Variants in NT5E observed in about 807,000 individuals in gnomAD.
NT5E encodes 5'-nucleotidase ecto, also known as 5'-nucleotidase.
In NT5E, 53 loss-of-function variants were observed where a neutral mutation model predicts 55.1. That is an observed-to-expected ratio of 0.96 (90% CI 0.77 to 1.21). The LOEUF is 1.21. Ranked by LOEUF, NT5E falls within the 50% of genes most tolerant of loss-of-function variation. NT5E has a pLI of 0.00. For missense variants in NT5E, 683 were observed against 724.3 expected, an observed-to-expected ratio of 0.94 and a Z score of 0.65; for synonymous variants, 270 against 278.4, an observed-to-expected ratio of 0.97 and a Z score of 0.30.
In NT5E at chr6:85,485,215, C is replaced by A. The variant is rs768994108; in HGVS notation, c.752-20C>A. On this transcript the variant is annotated intron_variant, in intron 3 of 8. Coordinates refer to ENST00000257770, the MANE Select transcript of NT5E (RefSeq NM_002526.4). ...TATGTACAAGGGCTGACTTGATCAGCTGTGGCTCTTTTATTTCAGGCAATC... is the reference window on the plus strand; with the variant it reads ...TATGTACAAGGGCTGACTTGATCAGATGTGGCTCTTTTATTTCAGGCAATC... 1.2e-5 allele frequency: 19 copies of A among 1,613,372 alleles called. No individual in the cohort carries two copies. The highest frequency in any genetic ancestry group is 1.6e-5 in the Non-Finnish European group (19 of 1,179,676).
At chr6:85,482,861 G>A (rs148020694) in intron 3 of NT5E, among the ~76,000 whole-genome samples, 88 of 152,328 alleles carry the variant, frequency 5.8e-4, no homozygotes, top group Non-Finnish European at 7.9e-4. Flanking sequence ...TGGGACTGCC[G>A]AGTTGAAGGG....
rs550912595 is a variant in NT5E at position 85,482,390 on chromosome 6, A to C, written c.752-2845A>C. Among the ~76,000 whole-genome samples the C allele has an allele frequency of 2.6e-5, 4 of 152,208 alleles. No individual in the cohort carries two copies. The South Asian group carries it at 8.3e-4, about 32-fold the overall frequency. Reference sequence around the variant, plus strand: ...AAAAGAGGAAGGAAGGAGGGAAAAAAGGAAAAAAGGGAGGGAGGGAAGGTG... The same window carrying C: ...AAAAGAGGAAGGAAGGAGGGAAAAACGGAAAAAAGGGAGGGAGGGAAGGTG... On this transcript the variant is annotated intron_variant, in intron 3 of 8. Coordinates refer to ENST00000257770, the MANE Select transcript of NT5E (RefSeq NM_002526.4).
chr6:85,459,383 T>C (rs1468729634), intron 1 of NT5E, among the ~76,000 whole-genome samples: 1 of 152,232 alleles, frequency 6.6e-6, no homozygotes, highest in African/African-American at 2.4e-5. Context: ...AAATGGCTTT[T>C]TGACATTATT....
chr6:85,481,206 T>C (rs1260851466), intron 3 of NT5E, among the ~76,000 whole-genome samples: 1 of 152,202 alleles, frequency 6.6e-6, no homozygotes, highest in African/African-American at 2.4e-5. Context: ...CTCATGGAAC[T>C]AAATGTCTTG....
chr6:85,489,663 G>C, intron 6 of NT5E, 64 bp downstream of exon 6: 4 of 1,242,492 alleles, frequency 3.2e-6, no homozygotes, highest in Non-Finnish European at 4.7e-6. Context: ...TTTCTGTTAT[G>C]GTTCTTGCCC....
intron 3 of NT5E, among the ~76,000 whole-genome samples, chr6:85,473,897 C>T (rs1469191195): frequency 1.3e-5 from 2 of 152,210 alleles, no homozygotes; most frequent in African/African-American, 2.4e-5. Flanking sequence ...TGTCTTTACA[C>T]CATCTTAATC....
chr6:85,458,862 C>G (rs1189057700), intron 1 of NT5E, among the ~76,000 whole-genome samples: 2 of 152,154 alleles, frequency 1.3e-5, no homozygotes, highest in Non-Finnish European at 2.9e-5. Flanking sequence ...CTTGCTCATT[C>G]ATACATTCTT....
chr6:85,466,043 A>AG (rs1217446685), intron 1 of NT5E, among the ~76,000 whole-genome samples: 2 of 152,150 alleles, frequency 1.3e-5, no homozygotes, highest in East Asian at 3.9e-4. Context: ...CAGAGCAGGT[A>AG]GGGTAGGGGG....
In NT5E at chr6:85,485,323, C is replaced by A. The variant is rs1388004320; in HGVS notation, c.840C>A (p.Ala280=). 4 of 1,614,146 alleles carry A rather than the reference C, an allele frequency of 2.5e-6. No homozygotes were observed. The South Asian group carries it at 4.4e-5, about 18-fold the overall frequency. The change falls in exon 4 of 9, where the codon GCC becomes GCA. Residue 280 remains alanine (A), a synonymous_variant. Coordinates refer to ENST00000257770, the MANE Select transcript of NT5E (RefSeq NM_002526.4). ...DDGRKVPVVQ[A]YAFGKYLGYL... ...GGCGGAAGGTTCCTGTAGTCCAGGCCTATGCTTTTGGCAAATACCTAGGCT... is the reference window on the plus strand; with the variant it reads ...GGCGGAAGGTTCCTGTAGTCCAGGCATATGCTTTTGGCAAATACCTAGGCT...
At chr6:85,487,560 C>T (rs1489477979) in intron 5 of NT5E, 71 bp downstream of exon 5, 40 of 1,565,236 alleles carry the variant, frequency 2.6e-5, no homozygotes, top group South Asian at 3.3e-5. Context: ...AGGAAGGATG[C>T]GAGAAGGGAT....
chr6:85,458,417 C>A lies in NT5E; in HGVS notation c.339+7939C>A, dbSNP rs541990595. Among the ~76,000 whole-genome samples the A allele has an allele frequency of 5.3e-5, 8 of 152,264 alleles. No homozygotes were observed. The South Asian group carries it at 1.7e-3, about 32-fold the overall frequency. On this transcript the variant is annotated intron_variant, in intron 1 of 8. Transcript: ENST00000257770. Reference sequence around the variant, plus strand: ...CCAGAGCAGAGAGGTGCTGGATGACCAGCTTCAGGCAGGGGAGGGAGGAAG... The same window carrying A: ...CCAGAGCAGAGAGGTGCTGGATGACAAGCTTCAGGCAGGGGAGGGAGGAAG...
chr6:85,487,104 G>A (rs540187836), intron 4 of NT5E, among the ~76,000 whole-genome samples: 56 of 152,300 alleles, frequency 3.7e-4, no homozygotes, highest in African/African-American at 1.2e-3. Context: ...CAGATGTGAT[G>A]AGCTGGTAGA....
chr6:85,494,084 T>G lies in NT5E; in HGVS notation c.*80T>G. 7.2e-7 allele frequency: 1 copy of G among 1,381,898 alleles called. No individual in the cohort carries two copies. Among genetic ancestry groups the G allele is most frequent in the Non-Finnish European group, 1.0e-6 (1 of 979,436 alleles). 85.6% of individuals were successfully genotyped at this position (1,381,898 alleles called of 1,614,324 possible). A position where few individuals can be genotyped will look rare whatever the true frequency, so the allele number is the denominator to read the frequency against. ...CAAATCTGCCTTTTAGGACCTGGCT[T>G]TGTGACAGCAAAAACCATCTTTACA... On this transcript the variant is annotated 3_prime_UTR_variant, in exon 9 of 9. Transcript: ENST00000257770.
chr6:85,488,638 T>C (rs1769717751), intron 5 of NT5E, among the ~76,000 whole-genome samples: 2 of 152,144 alleles, frequency 1.3e-5, no homozygotes, highest in African/African-American at 4.8e-5. Flanking sequence ...TGGAGTGCAG[T>C]GGCATGATCT....
chr6:85,491,374 CAGAT>C (rs1769779733), intron 7 of NT5E: 1 of 326,900 alleles, frequency 3.1e-6, no homozygotes, highest in African/African-American at 2.2e-5. Flanking sequence ...TCCCGCTTGA[CAGAT>C]AGAATTGCTT....
At chr6:85,452,395 A>T (rs1169017476) in intron 1 of NT5E, among the ~76,000 whole-genome samples, 2 of 152,216 alleles carry the variant, frequency 1.3e-5, no homozygotes, top group African/African-American at 4.8e-5. Context: ...CATGGTATCA[A>T]ATGTTTATGA....
chr6:85,486,162 C>A (rs951850469), intron 4 of NT5E, among the ~76,000 whole-genome samples: 13 of 152,076 alleles, frequency 8.5e-5, no homozygotes, highest in African/African-American at 3.1e-4. Context: ...TTTAACATAA[C>A]ATTTGTATGT....
chr6:85,471,469 A>T (rs1769306602), intron 3 of NT5E, 44 bp downstream of exon 3: 1 of 1,558,298 alleles, frequency 6.4e-7, no homozygotes, highest in African/African-American at 1.4e-5. Flanking sequence ...TGTCCAGATA[A>T]GCACTGTGTC....
chr6:85,491,304 G>A (rs2127725685), intron 7 of NT5E: 1 of 326,484 alleles, frequency 3.1e-6, no homozygotes, highest in African/African-American at 2.2e-5. Flanking sequence ...TCCTTTAAAA[G>A]CAATCTTATT....
Sources: allele counts gnomAD v4.1 joint callset (sites outside exome capture counted in the v4.1 genomes callset), GRCh38; gene constraint gnomAD v4.1.1; transcripts MANE v1.5; gene names NCBI Gene and HGNC (gene_info 2026-07-23, HGNC 2026-07-21).